Variants in NLGN1 observed in about 807,000 individuals in gnomAD.
NLGN1 encodes neuroligin 1.
Under a neutral mutation model 65.5 loss-of-function variants are expected in NLGN1, and 12 were observed. The ratio of observed to expected loss-of-function variants is 0.18; its 90% CI spans 0.12 to 0.30. The LOEUF (loss-of-function observed/expected upper bound fraction) is 0.30, where lower values mean the gene tolerates loss of function less well. Ranked by LOEUF, NLGN1 falls within the 10% of genes least tolerant of loss-of-function variation. NLGN1 has a pLI of 1.00. For missense variants in NLGN1, 750 were observed against 1,007.1 expected (o/e 0.74, Z 3.46); for synonymous variants, 350 against 359.5 (o/e 0.97, Z 0.30).
chr3:173,446,230 A>G (rs1457762624), intron 2 of NLGN1, among the ~76,000 whole-genome samples: 1 of 45,662 alleles, frequency 2.2e-5, no homozygotes, highest in Non-Finnish European at 5.0e-5. Flanking sequence ...CCCACCCCAC[A>G]ACAGTCCCGG....
At chr3:174,041,996 G>A (rs1277652700) in intron 4 of NLGN1, among the ~76,000 whole-genome samples, 1 of 152,064 alleles carries the variant, frequency 6.6e-6, no homozygotes, top group Non-Finnish European at 1.5e-5. Context: ...AGAGGTTGCA[G>A]TGAGCTGAGA....
intron 2 of NLGN1, among the ~76,000 whole-genome samples, chr3:173,446,516 C>A (rs946126481): frequency 2.0e-5 from 3 of 152,160 alleles, no homozygotes; most frequent in African/African-American, 4.8e-5. Context: ...AATAGTGCCG[C>A]AATAAACATA....
At chr3:173,901,975 A>G (rs1737461466) in intron 4 of NLGN1, among the ~76,000 whole-genome samples, 1 of 152,122 alleles carries the variant, frequency 6.6e-6, no homozygotes, top group Admixed American at 6.6e-5. Context: ...AGTTAGTATT[A>G]AAACTGACTA....
intron 4 of NLGN1, among the ~76,000 whole-genome samples, chr3:173,922,681 TAAA>T (rs962425513): frequency 6.6e-6 from 1 of 152,140 alleles, no homozygotes; most frequent in Non-Finnish European, 1.5e-5. Flanking sequence ...GGATTATTGA[TAAA>T]AAGAAGCTTA....
chr3:174,208,116 T>C (rs1217933614), intron 4 of NLGN1, among the ~76,000 whole-genome samples: 1 of 152,222 alleles, frequency 6.6e-6, no homozygotes, highest in East Asian at 1.9e-4. Flanking sequence ...CTGCTCCCCA[T>C]TATTTCCAGG....
chr3:173,838,659 G>C (rs1724150137), intron 4 of NLGN1, among the ~76,000 whole-genome samples: 1 of 152,154 alleles, frequency 6.6e-6, no homozygotes, highest in Non-Finnish European at 1.5e-5. Flanking sequence ...ATGAATGAAT[G>C]AATCACTGCT....
intron 4 of NLGN1, among the ~76,000 whole-genome samples, chr3:174,145,014 T>G (rs1457781821): frequency 1.3e-5 from 2 of 152,200 alleles, no homozygotes; most frequent in Non-Finnish European, 2.9e-5. Flanking sequence ...TAGGTTTTTT[T>G]CTAGGGTTTT....
At chr3:173,708,991 A>G (rs1410154062) in intron 3 of NLGN1, among the ~76,000 whole-genome samples, 1 of 152,164 alleles carries the variant, frequency 6.6e-6, no homozygotes, top group Non-Finnish European at 1.5e-5. Flanking sequence ...CCTTCTTGAC[A>G]TATTTATAGG....
intron 4 of NLGN1, among the ~76,000 whole-genome samples, chr3:174,064,512 C>T (rs773061005): frequency 4.0e-5 from 6 of 151,470 alleles, no homozygotes; most frequent in Non-Finnish European, 8.8e-5. Context: ...AACTTAACCT[C>T]TCTATGCCTT....
At chr3:173,820,703 T>C (rs924893848) in intron 4 of NLGN1, among the ~76,000 whole-genome samples, 1 of 152,202 alleles carries the variant, frequency 6.6e-6, no homozygotes, top group African/African-American at 2.4e-5. Flanking sequence ...GAAAATATCC[T>C]ACTCTACTGT....
chr3:173,763,767 GC>G (rs549209890), intron 3 of NLGN1, among the ~76,000 whole-genome samples: 5 of 151,740 alleles, frequency 3.3e-5, no homozygotes, highest in Non-Finnish European at 7.4e-5. Context: ...AAAAATGGAA[GC>G]AAGAGGGATA....
At chr3:173,746,888 T>C (rs1473147331) in intron 3 of NLGN1, among the ~76,000 whole-genome samples, 2 of 151,590 alleles carry the variant, frequency 1.3e-5, no homozygotes, top group Non-Finnish European at 2.9e-5. Context: ...ACTAAAAGTA[T>C]ATATACATAA....
intron 4 of NLGN1, among the ~76,000 whole-genome samples, chr3:174,257,366 G>A (rs1335201989): frequency 6.6e-6 from 1 of 152,130 alleles, no homozygotes; most frequent in African/African-American, 2.4e-5. Flanking sequence ...CAAAAACCTA[G>A]AGGCAGAAAT....
intron 4 of NLGN1, among the ~76,000 whole-genome samples, chr3:173,951,015 C>T (rs543979382): frequency 6.6e-5 from 10 of 151,934 alleles, no homozygotes; most frequent in South Asian, 4.2e-4. Context: ...TACAGGAGTG[C>T]GCCACCATGC....
At chr3:173,720,556 T>C (rs1770667288) in intron 3 of NLGN1, among the ~76,000 whole-genome samples, 1 of 152,162 alleles carries the variant, frequency 6.6e-6, no homozygotes, top group African/African-American at 2.4e-5. Context: ...TTCAATTCTG[T>C]TTCAGCTCTA....
chr3:173,827,627 ATATGTGTGTGTGTG>A (rs747253810), intron 4 of NLGN1, among the ~76,000 whole-genome samples: 169 of 71,884 alleles, frequency 2.4e-3, no homozygotes, highest in Non-Finnish European at 3.7e-3. Context: ...TATATTTATG[ATATGTGTGTGTGTG>A]TGTGTGTGTG....
chr3:173,659,304 T>C (rs923400683), intron 3 of NLGN1, among the ~76,000 whole-genome samples: 3 of 152,000 alleles, frequency 2.0e-5, no homozygotes, highest in African/African-American at 7.2e-5. Context: ...AAACAAACCA[T>C]ATTAAAGAAA....
chr3:173,719,027 T>A lies in NLGN1; in HGVS notation c.494-88653T>A, dbSNP rs143330812. Among the ~76,000 whole-genome samples the A allele has an allele frequency of 2.0e-4, 30 of 152,320 alleles. No individual in the cohort carries two copies. The East Asian group carries it at 4.2e-3, about 22-fold the overall frequency. On this transcript the variant is annotated intron_variant, in intron 3 of 6. Transcript: ENST00000457714. The stretch of plus-strand genomic sequence containing the variant: ...TCCTTGCCCCCAAAGTAAATCAGAC[T>A]GACATGGAGGCTTTCTGAGGACAGG...
chr3:174,204,120 T>C (rs1342774554), intron 4 of NLGN1, among the ~76,000 whole-genome samples: 1 of 152,202 alleles, frequency 6.6e-6, no homozygotes, highest in Non-Finnish European at 1.5e-5. Context: ...TAATGAAATA[T>C]GTGTTTTTCT....
Sources: gnomAD v4.1 joint callset for allele counts (sites outside exome capture counted in the v4.1 genomes callset) on GRCh38, gnomAD v4.1.1 for gene constraint, MANE v1.5 for transcripts, NCBI Gene and HGNC (gene_info 2026-07-23, HGNC 2026-07-21) for gene names.